Variants in KCNQ1 observed in about 807,000 individuals in gnomAD.
The protein encoded by KCNQ1 is potassium voltage-gated channel subfamily Q member 1.
A neutral mutation model predicts 72.4 loss-of-function variants in KCNQ1; 49 were observed. That is an observed-to-expected ratio of 0.68 (90% confidence interval 0.54 to 0.86). The LOEUF (loss-of-function observed/expected upper bound fraction) is 0.86. Ranked by LOEUF, KCNQ1 falls within the 40% of genes least tolerant of loss-of-function variation. The pLI, the probability that KCNQ1 is intolerant of heterozygous loss-of-function variation, is 0.00. For missense variants in KCNQ1, 790 were observed against 945.1 expected (o/e 0.84, Z 2.15); for synonymous variants, 450 against 412.6 (o/e 1.09, Z -1.10).
chr11:2,795,087 T>A lies in KCNQ1; in HGVS notation c.1794+17050T>A, dbSNP rs567563146. On this transcript the variant is annotated intron_variant, in intron 15 of 15. Coordinates refer to ENST00000155840, the MANE Select transcript of KCNQ1 (RefSeq NM_000218.3). ...GGGTCTTCCCATCTAACTCGCCACC[T>A]CCTCCCACGTCCCACTCAGCTCCAC... Among the ~76,000 whole-genome samples the A allele has an allele frequency of 2.0e-5, 3 of 152,182 alleles. No individual in the cohort carries two copies. The South Asian group carries it at 6.2e-4, about 32-fold the overall frequency.
intron 10 of KCNQ1, chr11:2,628,638 T>A: frequency 2.5e-6 from 1 of 398,446 alleles, no homozygotes; most frequent in Non-Finnish European, 4.4e-6. Flanking sequence ...ACTTTTTTGT[T>A]TGATGTAGTT....
intron 1 of KCNQ1, among the ~76,000 whole-genome samples, chr11:2,449,229 G>A (rs993974852): frequency 5.9e-5 from 9 of 152,374 alleles, no homozygotes; most frequent in East Asian, 3.9e-4. Context: ...ACATTCACCC[G>A]TGCCTGGCAC....
At chr11:2,833,785 G>C (rs935653706) in intron 15 of KCNQ1, among the ~76,000 whole-genome samples, 1 of 152,254 alleles carries the variant, frequency 6.6e-6, no homozygotes, top group African/African-American at 2.4e-5. Context: ...ACAACAGTGG[G>C]GAAGGTGGGA....
At chr11:2,607,363 G>C (rs1483351708) in intron 10 of KCNQ1, among the ~76,000 whole-genome samples, 1 of 152,138 alleles carries the variant, frequency 6.6e-6, no homozygotes, top group Non-Finnish European at 1.5e-5. Context: ...GCTATAGACT[G>C]AATGTGTGTG....
chr11:2,741,327 C>T (rs1038259366), intron 11 of KCNQ1, among the ~76,000 whole-genome samples: 3 of 152,194 alleles, frequency 2.0e-5, no homozygotes, highest in Admixed American at 6.5e-5. Context: ...GTCTGACTGG[C>T]GCTTGCCGGG....
chr11:2,514,657 T>C (rs1221179141), intron 1 of KCNQ1, among the ~76,000 whole-genome samples: 1 of 152,208 alleles, frequency 6.6e-6, no homozygotes, highest in Non-Finnish European at 1.5e-5. Flanking sequence ...AAACCCCATC[T>C]CTACTAAAAA....
At chr11:2,561,231 A>G (rs1430814225) in intron 2 of KCNQ1, among the ~76,000 whole-genome samples, 2 of 151,918 alleles carry the variant, frequency 1.3e-5, no homozygotes, top group African/African-American at 2.4e-5. Flanking sequence ...AAAGAAAAAA[A>G]AGGAACTCCC....
At chr11:2,555,948 G>T (rs1387576704) in intron 2 of KCNQ1, among the ~76,000 whole-genome samples, 1 of 152,208 alleles carries the variant, frequency 6.6e-6, no homozygotes, top group African/African-American at 2.4e-5. Context: ...CCTCTCTAGA[G>T]ACCCTAGAAC....
chr11:2,780,958 CT>C (rs1472301275), intron 15 of KCNQ1, among the ~76,000 whole-genome samples: 1 of 152,198 alleles, frequency 6.6e-6, no homozygotes, highest in African/African-American at 2.4e-5. Flanking sequence ...CCTTCCACCC[CT>C]GTGCCTGTCC....
chr11:2,768,317 C>T lies in KCNQ1; in HGVS notation c.1515-527C>T, dbSNP rs374559016. Among the ~76,000 whole-genome samples the T allele has an allele frequency of 3.1e-4, 47 of 152,326 alleles. 2 individuals are homozygous for T. In the South Asian group the frequency reaches 8.5e-3, roughly 28 times the overall value. Reference sequence around the variant, plus strand: ...AAGAAACTTTAGGAGGCAAAAACAGCGCAGCCCCCTTAACAGAGTGGCTCT... The same window carrying T: ...AAGAAACTTTAGGAGGCAAAAACAGTGCAGCCCCCTTAACAGAGTGGCTCT... On this transcript the variant is annotated intron_variant, in intron 11 of 15. Transcript: ENST00000155840. This position sits in a 1 kb window ranked among gnomAD's most constrained non-coding sequence, Gnocchi z 6.7.
At chr11:2,811,909 G>T (rs960776646) in intron 15 of KCNQ1, among the ~76,000 whole-genome samples, 21 of 152,284 alleles carry the variant, frequency 1.4e-4, no homozygotes, top group African/African-American at 4.8e-4. Flanking sequence ...AGTGCCCGCC[G>T]CAGGATGACA....
intron 11 of KCNQ1, chr11:2,688,951 C>G (rs1209902579): frequency 5.0e-6 from 2 of 398,740 alleles, no homozygotes; most frequent in Admixed American, 4.4e-5. Flanking sequence ...CCCACTGGGC[C>G]TAGGGCTCTG....
chr11:2,829,494 A>G (rs926566161), intron 15 of KCNQ1, among the ~76,000 whole-genome samples: 1 of 152,244 alleles, frequency 6.6e-6, no homozygotes, highest in African/African-American at 2.4e-5. Context: ...ACCACAGGAC[A>G]CAGCTAAAAA....
intron 10 of KCNQ1, chr11:2,648,987 T>C (rs1380608336): frequency 8.1e-5 from 22 of 270,660 alleles, no homozygotes; most frequent in South Asian, 1.6e-4. Context: ...TTTTCTTTTT[T>C]TTTTTTTTTT....
At chr11:2,736,430 C>T (rs1845957421) in intron 11 of KCNQ1, among the ~76,000 whole-genome samples, 1 of 152,084 alleles carries the variant, frequency 6.6e-6, no homozygotes, top group South Asian at 2.1e-4. Flanking sequence ...GACTTGTGAC[C>T]AGTGGGCTTG....
chr11:2,719,331 CAAAAA>C (rs34225799), intron 11 of KCNQ1, among the ~76,000 whole-genome samples: 1 of 126,024 alleles, frequency 7.9e-6, no homozygotes, highest in Non-Finnish European at 1.6e-5. Context: ...CTGTCTCTAC[CAAAAA>C]AAAAAAAAAA....
At chr11:2,575,005 G>C (rs1173186426) in intron 6 of KCNQ1, among the ~76,000 whole-genome samples, 1 of 152,202 alleles carries the variant, frequency 6.6e-6, no homozygotes, top group Non-Finnish European at 1.5e-5. Context: ...GAGTTCCCGG[G>C]AGGCTGGTGG....
At chr11:2,705,480 G>A (rs879721675) in intron 11 of KCNQ1, among the ~76,000 whole-genome samples, 2 of 152,210 alleles carry the variant, frequency 1.3e-5, no homozygotes, top group African/African-American at 4.8e-5. Context: ...CCAGGCACGG[G>A]GGGGTGGGAA....
Position 2,624,977 on chromosome 11 carries a change from C to T in KCNQ1, c.1393+36123C>T. The T allele has an allele frequency of 2.5e-6, 1 of 398,494 alleles. No homozygotes were observed. Among genetic ancestry groups the T allele is most frequent in the Non-Finnish European group, 4.4e-6 (1 of 226,052 alleles). The allele number at this position is 398,494 out of a possible 1,614,324, so 24.7% of individuals were successfully genotyped here. A position where few individuals can be genotyped will look rare whatever the true frequency, so the allele number is the denominator to read the frequency against. On this transcript the variant is annotated intron_variant, in intron 10 of 15. Coordinates refer to ENST00000155840, the MANE Select transcript of KCNQ1 (RefSeq NM_000218.3). This position sits in a 1 kb window ranked among gnomAD's most constrained non-coding sequence, Gnocchi z 4.9. ...TATGTATATACCACATTTTGCTTAT[C>T]CATTCTTCCATGGACATTTGGGTTG... is the stretch of plus-strand genomic sequence containing the variant.
Sources: gnomAD v4.1 joint callset for allele counts (sites outside exome capture counted in the v4.1 genomes callset) on GRCh38, gnomAD v4.1.1 for gene constraint, Gnocchi (gnomAD v3.1) non-coding constraint, MANE v1.5 for transcripts, NCBI Gene and HGNC (gene_info 2026-07-23, HGNC 2026-07-21) for gene names.